The following FBXL13 variants were observed in gnomAD, a reference collection of about 807,000 sequenced individuals.
FBXL13 encodes the protein F-box and leucine rich repeat protein 13, also known as F-box and leucine-rich repeat protein 13.
In FBXL13, 67 loss-of-function variants were observed where a neutral mutation model predicts 83.6. That is an observed-to-expected ratio of 0.80 (90% CI 0.66 to 0.98). The LOEUF is 0.98. Ranked by LOEUF, FBXL13 falls within the 50% of genes least tolerant of loss-of-function variation. The pLI, the probability that FBXL13 is intolerant of heterozygous loss-of-function variation, is 0.00. For missense variants in FBXL13, 822 were observed against 866.5 expected (o/e 0.95, Z 0.64); for synonymous variants, 272 against 299.5 (o/e 0.91, Z 0.95).
At chr7:102,932,701 C>T (rs1332291723) in intron 8 of FBXL13, among the ~76,000 whole-genome samples, 3 of 152,118 alleles carry the variant, frequency 2.0e-5, no homozygotes, top group Admixed American at 1.3e-4. Context: ...CTCAGGCGAT[C>T]CTTTCACTTC....
At chr7:102,929,594 G>A (rs974871455) in intron 9 of FBXL13, among the ~76,000 whole-genome samples, 8 of 149,376 alleles carry the variant, frequency 5.4e-5, no homozygotes, top group African/African-American at 2.0e-4. Context: ...AACCTGGGAG[G>A]TGGAGGTTGT....
intron 8 of FBXL13, among the ~76,000 whole-genome samples, chr7:102,951,423 G>T (rs972778357): frequency 1.4e-5 from 1 of 72,132 alleles, no homozygotes; most frequent in East Asian, 4.0e-4. Context: ...AAAAAAAAAC[G>T]AAAAGAAAGC....
intron 6 of FBXL13, among the ~76,000 whole-genome samples, chr7:103,013,687 T>G (rs12671524): frequency 0.97 from 148,037 of 152,206 alleles, 72,145 homozygotes; most frequent in East Asian, 1. Flanking sequence ...AAGTTAGAAA[T>G]ATCTCAGATT....
intron 6 of FBXL13, among the ~76,000 whole-genome samples, chr7:102,976,631 C>T (rs1265380374): frequency 6.6e-6 from 1 of 152,076 alleles, no homozygotes; most frequent in African/African-American, 2.4e-5. Context: ...CCCTCAGTCG[C>T]AAAACACCAC....
chr7:103,027,564 G>T lies in FBXL13; in HGVS notation c.218-6C>A. On this transcript the variant is annotated splice_region_variant and splice_polypyrimidine_tract_variant and intron_variant, in intron 4 of 19. Coordinates refer to ENST00000313221, the Ensembl canonical transcript of FBXL13. ...TTGTATCCGCAATAGAATATCTGAA[G>T]GAAATTTACTAGATTACTGTATATA... The T allele has an allele frequency of 6.4e-7, 1 of 1,554,824 alleles. No homozygotes were observed. Among genetic ancestry groups the T allele is most frequent in the Non-Finnish European group, 8.8e-7 (1 of 1,131,054 alleles).
At chr7:102,976,883 T>A (rs546066444) in intron 6 of FBXL13, among the ~76,000 whole-genome samples, 16 of 152,316 alleles carry the variant, frequency 1.1e-4, no homozygotes, top group African/African-American at 3.8e-4. Flanking sequence ...ACTCCCAGTA[T>A]GTCCAGTAGC....
intron 1 of FBXL13, among the ~76,000 whole-genome samples, chr7:103,062,982 A>C (rs1481224330): frequency 6.6e-6 from 1 of 152,252 alleles, no homozygotes; most frequent in Non-Finnish European, 1.5e-5. Context: ...GTTCCCCAGG[A>C]GAAAAGACTG....
rs56703899 is a variant in FBXL13 at position 103,073,284 on chromosome 7, C to A, written c.-105+962G>T. ...AAATGGACAGCTAGAGCAGAATGGA[C>A]AGTTGCTAAGCAACTTGCACTTTTT... On this transcript the variant is annotated intron_variant, in intron 1 of 19. Coordinates refer to ENST00000313221, the Ensembl canonical transcript of FBXL13. Among the ~76,000 whole-genome samples, 1,027 of 152,266 alleles carry A rather than the reference C, an allele frequency of 6.7e-3. 12 individuals carry two copies. The highest frequency in any genetic ancestry group is 0.023 in the African/African-American group (949 of 41,552).
chr7:103,065,972 T>C (rs953449775), intron 1 of FBXL13, among the ~76,000 whole-genome samples: 3 of 152,160 alleles, frequency 2.0e-5, no homozygotes, highest in Admixed American at 6.5e-5. Context: ...GAACAAGAAG[T>C]GAGGAAGCAC....
At chr7:102,834,081 G>GAAGGAAGGA (rs1801273815) in intron 17 of FBXL13, among the ~76,000 whole-genome samples, 5 of 84,986 alleles carry the variant, frequency 5.9e-5, no homozygotes, top group Admixed American at 2.6e-4. Flanking sequence ...AGGAAGGAAG[G>GAAGGAAGGA]AAAGAAAAGA....
chr7:102,853,283 A>G (rs558374983), intron 17 of FBXL13, among the ~76,000 whole-genome samples: 1 of 152,304 alleles, frequency 6.6e-6, no homozygotes, highest in African/African-American at 2.4e-5. Context: ...ACTAAAAAAC[A>G]TACTCATGTA....
intron 18 of FBXL13, 21 bp from the exon 20 acceptor site, chr7:102,822,224 A>C (rs201085454): frequency 6.2e-7 from 1 of 1,612,308 alleles, no homozygotes; most frequent in East Asian, 2.2e-5. Context: ...AGCCAAAGTA[A>C]GTACTGGTTA....
intron 2 of FBXL13, among the ~76,000 whole-genome samples, chr7:103,038,353 T>C (rs560105532): frequency 7.2e-5 from 11 of 152,366 alleles, no homozygotes; most frequent in Admixed American, 2.0e-4. Flanking sequence ...CAAGGCCTAC[T>C]GCCTCTATAG....
chr7:102,939,894 G>GTT (rs199710203), intron 8 of FBXL13, among the ~76,000 whole-genome samples: 1 of 148,222 alleles, frequency 6.7e-6, no homozygotes, highest in Non-Finnish European at 1.5e-5. Flanking sequence ...AAATGTAGTG[G>GTT]TTTTTTTTTT....
chr7:102,818,445 G>T (rs1199504827), intron 19 of FBXL13, among the ~76,000 whole-genome samples: 2 of 152,196 alleles, frequency 1.3e-5, no homozygotes, highest in African/African-American at 4.8e-5. Context: ...ATTTAGCACA[G>T]TACGTGGCAA....
At chr7:102,879,068 C>T (rs1036693357) in intron 14 of FBXL13, among the ~76,000 whole-genome samples, 2 of 152,172 alleles carry the variant, frequency 1.3e-5, no homozygotes, top group South Asian at 4.1e-4. Context: ...CTGTTTGGCC[C>T]ATCAGTTCCC....
intron 7 of FBXL13, among the ~76,000 whole-genome samples, chr7:102,964,546 G>A (rs561724909): frequency 7.5e-4 from 113 of 151,620 alleles, no homozygotes; most frequent in Non-Finnish European, 1.3e-3. Flanking sequence ...GGAATTATAG[G>A]CACCTGCCAC....
intron 16 of FBXL13, 58 bp from the exon 18 acceptor site, chr7:102,854,918 G>A: frequency 2.1e-6 from 2 of 960,980 alleles, no homozygotes; most frequent in Non-Finnish European, 3.1e-6. Context: ...GGAATATATA[G>A]TTCCAATAAC....
chr7:102,852,439 G>C (rs2129451201), intron 17 of FBXL13, among the ~76,000 whole-genome samples: 1 of 152,138 alleles, frequency 6.6e-6, no homozygotes, highest in South Asian at 2.1e-4. Flanking sequence ...CTATACATCT[G>C]ACAAAGGACT....
Sources: gnomAD v4.1 joint callset for allele counts (sites outside exome capture counted in the v4.1 genomes callset) on GRCh38, gnomAD v4.1.1 for gene constraint, MANE v1.5 for transcripts, NCBI Gene and HGNC (gene_info 2026-07-23, HGNC 2026-07-21) for gene names.